SH2B1: variants seen among roughly 807,000 people sequenced by gnomAD.
SH2B1 encodes SH2B adaptor protein 1.
Under a neutral mutation model 62.6 loss-of-function variants are expected in SH2B1, and 15 were observed. The ratio of observed to expected loss-of-function variants is 0.24; its 90% CI spans 0.16 to 0.37. The LOEUF (loss-of-function observed/expected upper bound fraction) is 0.37. SH2B1 is among the 10% of genes least tolerant of loss of function. The pLI is 1.00. For synonymous variants in SH2B1, 443 were observed against 438.0 expected, an observed-to-expected ratio of 1.01 and a Z score of -0.14; for missense variants, 925 against 1,015.6, an observed-to-expected ratio of 0.91 and a Z score of 1.21.
rs567321074 is a variant in SH2B1 at position 28,863,968 on chromosome 16, C to G, written c.-2127C>G. 6 of 1,443,188 alleles carry G rather than the reference C, an allele frequency of 4.2e-6. No individual in the cohort carries two copies. The highest frequency in any genetic ancestry group is 5.4e-6 in the Non-Finnish European group (6 of 1,104,696). 89.4% of individuals were successfully genotyped at this position (1,443,188 alleles called of 1,614,324 possible). ...CAGGTGGGACCGGAACCGGAACCCC[C>G]CTCTTCAAGTACCTTTTCCCTCTCC... On this transcript the variant is annotated 5_prime_UTR_variant, in exon 1 of 8. Coordinates refer to ENST00000684370, the MANE Select transcript of SH2B1 (RefSeq NM_001387430.1).
rs199667556 is a variant in SH2B1 at position 28,872,368 on chromosome 16, C to T, written c.1692C>T (p.Tyr564=). The T allele has an allele frequency of 2.2e-5, 36 of 1,610,746 alleles. No individual in the cohort carries two copies. Among genetic ancestry groups the T allele is most frequent in the African/African-American group, 5.3e-5 (4 of 74,878 alleles). ...VRQSETRRGE[Y]VLTFNFQGKA... is the part of the protein sequence containing the mutation. Reference sequence around the variant, plus strand: ...AGAGTGAGACAAGGCGGGGTGAATACGTCCTCACCTTCAACTTCCAGGGCA... The same window carrying T: ...AGAGTGAGACAAGGCGGGGTGAATATGTCCTCACCTTCAACTTCCAGGGCA... Residue 564 remains tyrosine, a synonymous_variant, in exon 6 of 8, where the codon TAC becomes TAT. Transcript: ENST00000684370. This position sits in a 1 kb window ranked among gnomAD's most constrained non-coding sequence, Gnocchi z 5.3.
intron 1 of SH2B1, among the ~76,000 whole-genome samples, chr16:28,854,027 A>T (rs912174736): frequency 6.6e-6 from 1 of 150,566 alleles, no homozygotes; most frequent in Non-Finnish European, 1.5e-5. Context: ...AAAAAAAAAA[A>T]AGTGCATCAT....
chr16:28,858,677 C>T (rs1962374496), intron 1 of SH2B1, among the ~76,000 whole-genome samples: 1 of 152,120 alleles, frequency 6.6e-6, no homozygotes, highest in African/African-American at 2.4e-5. Context: ...TAGTGGCTCA[C>T]ACTTGTAATC....
chr16:28,873,787 C>G lies in SH2B1; in HGVS notation c.2238C>G (p.Pro746=), dbSNP rs148378470. Residue 746 remains proline (P), a synonymous_variant, in exon 8 of 8, where the codon CCC becomes CCG. Transcript: ENST00000684370. The surrounding 1 kb of genome is among the most constrained non-coding windows in gnomAD (Gnocchi z 4.2). ...LGGDGEEGGH[P]RAINNQYSFV ...GTGATGGAGAGGAAGGGGGCCACCCCAGGGCCATTAACAACCAGTACTCCT... is the reference window on the plus strand; with the variant it reads ...GTGATGGAGAGGAAGGGGGCCACCCGAGGGCCATTAACAACCAGTACTCCT... 2.4e-3 allele frequency: 3,459 copies of G among 1,464,704 alleles called. 57 individuals are homozygous for G. Among genetic ancestry groups the G allele is most frequent in the East Asian group, 0.015 (588 of 39,782 alleles). 90.7% of individuals were successfully genotyped at this position (1,464,704 alleles called of 1,614,324 possible).
Position 28,865,933 on chromosome 16 carries a change from C to G in SH2B1, c.-162C>G, listed in dbSNP as rs944522263. ...CGGAGTCTGAAGTAGGGTCGGACGTCTCTGGCTGGGGGTGGGATGCAGCCT... is the reference window on the plus strand; with the variant it reads ...CGGAGTCTGAAGTAGGGTCGGACGTGTCTGGCTGGGGGTGGGATGCAGCCT... On this transcript the variant is annotated 5_prime_UTR_variant, in exon 1 of 8. Transcript: ENST00000684370. 1.7e-5 allele frequency: 24 copies of G among 1,419,448 alleles called. 1 individual carries two copies. Among genetic ancestry groups the G allele is most frequent in the Non-Finnish European group, 2.0e-5 (22 of 1,092,182 alleles). The allele number at this position is 1,419,448 out of a possible 1,614,324, so 87.9% of individuals were successfully genotyped here. A position where few individuals can be genotyped will look rare whatever the true frequency, so the allele number is the denominator to read the frequency against.
chr16:28,862,288 CATTATT>C (rs1962470100), upstream of SH2B1: 1 of 152,092 alleles, frequency 6.6e-6, no homozygotes, highest in Non-Finnish European at 1.5e-5. Flanking sequence ...GAATTGACCT[CATTATT>C]ATTATTGTTA....
In SH2B1 at chr16:28,865,921, A is replaced by T; in HGVS notation, c.-174A>T. 7.1e-7 allele frequency: 1 copy of T among 1,406,666 alleles called. No individual in the cohort carries two copies. Among genetic ancestry groups the T allele is most frequent in the African/African-American group, 1.5e-5 (1 of 68,802 alleles). 87.1% of individuals were successfully genotyped at this position (1,406,666 alleles called of 1,614,324 possible). On this transcript the variant is annotated 5_prime_UTR_variant, in exon 1 of 8. Transcript: ENST00000684370. ...CATTGCTCTCTGCGGAGTCTGAAGT[A>T]GGGTCGGACGTCTCTGGCTGGGGGT...
At chr16:28,870,814 G>T (rs941721333) in intron 4 of SH2B1, among the ~76,000 whole-genome samples, 1 of 152,054 alleles carries the variant, frequency 6.6e-6, no homozygotes, top group African/African-American at 2.4e-5. Context: ...GGCTTAAGGT[G>T]CTGGGACCAC....
intron 1 of SH2B1, among the ~76,000 whole-genome samples, chr16:28,857,879 A>G (rs1962358028): frequency 6.6e-6 from 1 of 151,786 alleles, no homozygotes; most frequent in Admixed American, 6.6e-5. Context: ...AGCTGGGACT[A>G]CAGGCGCCCA....
rs376053766 is a variant in SH2B1, at chr16:28,848,695, CAG to C, written c.-301+1871_-301+1872del. On this transcript the variant is annotated intron_variant, in intron 1 of 10. Transcript: ENST00000322610. ...TTTTTTTTTTTTTTTTTTTTTGAGA[CAG>C]AGTCACACTCTGTTGCCCAGCTGGA... is the stretch of plus-strand genomic sequence containing the variant. Among the ~76,000 whole-genome samples, 1,167 of 120,148 alleles carry C rather than the reference CAG, an allele frequency of 9.7e-3. 16 individuals carry two copies. The highest frequency in any genetic ancestry group is 0.038 in the African/African-American group (1,119 of 29,394). 78.8% of individuals were successfully genotyped at this position (120,148 alleles called of 152,430 possible).
In SH2B1 at chr16:28,864,083, C is replaced by T; in HGVS notation, c.-2012C>T. The T allele has an allele frequency of 7.6e-7, 1 of 1,319,642 alleles. No individual in the cohort carries two copies. Among genetic ancestry groups the T allele is most frequent in the Non-Finnish European group, 9.7e-7 (1 of 1,028,962 alleles). The allele number at this position is 1,319,642 out of a possible 1,614,324, so 81.7% of individuals were successfully genotyped here. On this transcript the variant is annotated 5_prime_UTR_variant, in exon 1 of 8. Coordinates refer to ENST00000684370, the MANE Select transcript of SH2B1 (RefSeq NM_001387430.1). Reference sequence around the variant, plus strand: ...GAGAGGCACTCGGCCCCGGAGAGTGCAGCAGACAGGGCTGGTCCCGAGGTG... The same window carrying T: ...GAGAGGCACTCGGCCCCGGAGAGTGTAGCAGACAGGGCTGGTCCCGAGGTG...
chr16:28,858,504 ACTCT>A, intron 1 of SH2B1, among the ~76,000 whole-genome samples: 1 of 151,990 alleles, frequency 6.6e-6, no homozygotes, highest in East Asian at 1.9e-4. Context: ...AGACAGTGAG[ACTCT>A]GTCTCAAACA....
rs768651950 is a variant in SH2B1, at chr16:28,873,931, T to G, written c.*111T>G. 82 of 1,129,478 alleles carry G rather than the reference T, an allele frequency of 7.3e-5. No individual in the cohort carries two copies. The highest frequency in any genetic ancestry group is 8.9e-5 in the Non-Finnish European group (77 of 868,484). The allele number at this position is 1,129,478 out of a possible 1,614,324, so 70.0% of individuals were successfully genotyped here. A position where few individuals can be genotyped will look rare whatever the true frequency, so the allele number is the denominator to read the frequency against. The stretch of plus-strand genomic sequence containing the variant: ...CCTCCCCCATGCTTCCTGACCCTTG[T>G]TGGCCAAGGGCATCTTTGATGGTAC... On this transcript the variant is annotated 3_prime_UTR_variant, in exon 8 of 8. Coordinates refer to ENST00000684370, the MANE Select transcript of SH2B1 (RefSeq NM_001387430.1). This position sits in a 1 kb window ranked among gnomAD's most constrained non-coding sequence, Gnocchi z 4.2.
Position 28,873,166 on chromosome 16 carries a change from C to A in SH2B1, c.1898-281C>A, listed in dbSNP as rs745528194. 4.5e-6 allele frequency: 7 copies of A among 1,557,968 alleles called. No individual in the cohort carries two copies. Among genetic ancestry groups the A allele is most frequent in the Non-Finnish European group, 6.0e-6 (7 of 1,159,780 alleles). On this transcript the variant is annotated intron_variant, in intron 7 of 7. Coordinates refer to ENST00000684370, the MANE Select transcript of SH2B1 (RefSeq NM_001387430.1). The surrounding 1 kb of genome is among the most constrained non-coding windows in gnomAD (Gnocchi z 4.2). Reference sequence around the variant, plus strand: ...ATCTGTCCCCACGTTGCCCCTCCCCCCAGGCCGGGAGCAGGCTGGGAGCCA... The same window carrying A: ...ATCTGTCCCCACGTTGCCCCTCCCCACAGGCCGGGAGCAGGCTGGGAGCCA...
intron 1 of SH2B1, among the ~76,000 whole-genome samples, chr16:28,849,989 G>T (rs1231082758): frequency 6.6e-6 from 1 of 152,184 alleles, no homozygotes; most frequent in Non-Finnish European, 1.5e-5. Context: ...GGTAGTGAAT[G>T]AATGGCTAGA....
Position 28,865,086 on chromosome 16 carries a change from A to G in SH2B1, c.-1009A>G, listed in dbSNP as rs1962612103. The G allele has an allele frequency of 2.0e-6, 2 of 985,434 alleles. No individual in the cohort carries two copies. The highest frequency in any genetic ancestry group is 2.4e-6 in the Non-Finnish European group (2 of 829,944). 61.0% of individuals were successfully genotyped at this position (985,434 alleles called of 1,614,324 possible). A position where few individuals can be genotyped will look rare whatever the true frequency, so the allele number is the denominator to read the frequency against. ...GTCCATGGCCTTAACCAGAAGGCTA[A>G]CCTGCCTTTAGGGCATACTCCCCAG... On this transcript the variant is annotated 5_prime_UTR_variant, in exon 1 of 8. Coordinates refer to ENST00000684370, the MANE Select transcript of SH2B1 (RefSeq NM_001387430.1).
At chr16:28,868,126 T>C (rs577442639) in intron 2 of SH2B1, among the ~76,000 whole-genome samples, 4 of 140,374 alleles carry the variant, frequency 2.8e-5, no homozygotes, top group Admixed American at 2.8e-4. Flanking sequence ...GTGCCTGGCC[T>C]TATTTTATTT....
intron 2 of SH2B1, among the ~76,000 whole-genome samples, chr16:28,868,563 G>A (rs1391369560): frequency 1.3e-5 from 2 of 151,130 alleles, no homozygotes; most frequent in Non-Finnish European, 3.0e-5. Flanking sequence ...GGGTTCAAGC[G>A]ATTCTCCTGT....
intron 1 of SH2B1, among the ~76,000 whole-genome samples, chr16:28,852,473 T>TATATATTTATATATACATAC (rs1567458640): frequency 2.6e-5 from 2 of 77,194 alleles, no homozygotes; most frequent in Non-Finnish European, 2.2e-5. Context: ...TATATATACA[T>TATATATTTATATATACATAC]ATATATTTAT....
Sources: allele counts gnomAD v4.1 joint callset (sites outside exome capture counted in the v4.1 genomes callset), GRCh38; gene constraint gnomAD v4.1.1; non-coding constraint Gnocchi (gnomAD v3.1); transcripts MANE v1.5; gene names NCBI Gene and HGNC (gene_info 2026-07-23, HGNC 2026-07-21).